The following SH3PXD2A variants were observed in gnomAD, a reference collection of about 807,000 sequenced individuals.
The protein encoded by SH3PXD2A is SH3 and PX domain-containing protein 2A.
A neutral mutation model predicts 115.2 loss-of-function variants in SH3PXD2A; 32 were observed. That is an observed-to-expected ratio of 0.28 (90% CI 0.21 to 0.37). The LOEUF (loss-of-function observed/expected upper bound fraction) is 0.37. SH3PXD2A is among the 10% of genes least tolerant of loss of function. The pLI is 1.00. For synonymous variants in SH3PXD2A, 610 were observed against 629.1 expected, an observed-to-expected ratio of 0.97 and a Z score of 0.45; for missense variants, 1,328 against 1,498.7, an observed-to-expected ratio of 0.89 and a Z score of 1.88.
At chr10:103,836,222 G>A (rs1204569888) in intron 1 of SH3PXD2A, among the ~76,000 whole-genome samples, 1 of 152,132 alleles carries the variant, frequency 6.6e-6, no homozygotes, top group Non-Finnish European at 1.5e-5. Flanking sequence ...TAAAATCTAA[G>A]TATTCTTGGA....
intron 5 of SH3PXD2A, among the ~76,000 whole-genome samples, chr10:103,723,542 C>T (rs1380013998): frequency 6.6e-6 from 1 of 152,146 alleles, no homozygotes; most frequent in African/African-American, 2.4e-5. Context: ...ATCCCAATTT[C>T]AGAGAGAAAA....
chr10:103,648,861 G>A (rs1302394644), intron 8 of SH3PXD2A, among the ~76,000 whole-genome samples: 2 of 152,240 alleles, frequency 1.3e-5, no homozygotes, highest in Admixed American at 1.3e-4. Context: ...CCCTTTGGCT[G>A]CCATAGTACA....
chr10:103,716,764 C>T (rs1265638380), intron 5 of SH3PXD2A, among the ~76,000 whole-genome samples: 1 of 152,234 alleles, frequency 6.6e-6, no homozygotes, highest in Non-Finnish European at 1.5e-5. Context: ...GATATGGGTG[C>T]ACCAAAGGCA....
intron 9 of SH3PXD2A, among the ~76,000 whole-genome samples, chr10:103,623,268 G>A (rs1033677925): frequency 6.2e-5 from 9 of 145,928 alleles, no homozygotes; most frequent in African/African-American, 2.2e-4. Context: ...TGATGACAGG[G>A]GCCCCCTCCC....
rs142104775 is a variant in SH3PXD2A, at chr10:103,742,141, T to C, written c.230-6333A>G. On this transcript the variant is annotated intron_variant, in intron 3 of 14. Coordinates refer to ENST00000369774, the MANE Select transcript of SH3PXD2A (RefSeq NM_001394015.1). ...TCCAGCCTGGGTGACATAGTGAGAC[T>C]GTCTCAAATCAAACAACAACCCAGG... Among the ~76,000 whole-genome samples, 124 of 152,274 alleles carry C rather than the reference T, an allele frequency of 8.1e-4. No individual in the cohort carries two copies. In the Middle Eastern group the frequency reaches 0.017, roughly 21 times the overall value.
rs368841386 is a variant in SH3PXD2A, at chr10:103,627,996, T to C, written c.605-794A>G. On this transcript the variant is annotated intron_variant, in intron 8 of 14. Coordinates refer to ENST00000369774, the MANE Select transcript of SH3PXD2A (RefSeq NM_001394015.1). The surrounding 1 kb of genome is among the most constrained non-coding windows in gnomAD (Gnocchi z 4.4). ...TTTCTGCTCATGGCCCAGTTCTCCA[T>C]TTCCTGTCTGGAGAGCTCAAGGCTT... Among the ~76,000 whole-genome samples, 1 of 152,332 alleles carries C rather than the reference T, an allele frequency of 6.6e-6. No homozygotes were observed. Among genetic ancestry groups the C allele is most frequent in the East Asian group, 1.9e-4 (1 of 5,184 alleles).
chr10:103,692,860 G>A (rs1376366801), intron 6 of SH3PXD2A, among the ~76,000 whole-genome samples, 168 bp downstream of exon 6: 1 of 152,176 alleles, frequency 6.6e-6, no homozygotes, highest in Non-Finnish European at 1.5e-5. Flanking sequence ...GCCATGGACT[G>A]AGGAGGGGCA....
At chr10:103,722,792 AC>A (rs2038198276) in intron 5 of SH3PXD2A, among the ~76,000 whole-genome samples, 1 of 151,938 alleles carries the variant, frequency 6.6e-6, no homozygotes, top group African/African-American at 2.4e-5. Context: ...TGCATCCTAT[AC>A]CCTGTGGCTT....
At position 103,602,148 on chromosome 10, in the gene SH3PXD2A, C is replaced by G; in HGVS notation, c.3070G>C (p.Ala1024Pro). ...RNSSFSTARS[A>P]AAEAKGRLAE... The stretch of plus-strand genomic sequence containing the variant: ...AGGCGGCCCTTGGCCTCGGCGGCAG[C>G]GGAGCGAGCAGTGCTAAAGGAGGAG... The change falls in exon 15 of 15, where the codon GCT becomes CCT. Residue 1024 changes from alanine (A) to proline (P), a missense_variant. Around this residue, in one of 5 missense-constraint regions of SH3PXD2A, gnomAD observed 574 missense variants for 565.7 expected, o/e 1.01. Coordinates refer to ENST00000369774, the MANE Select transcript of SH3PXD2A (RefSeq NM_001394015.1). 1 of 1,574,958 alleles carries G rather than the reference C, an allele frequency of 6.3e-7. No homozygotes were observed. The highest frequency in any genetic ancestry group is 1.2e-5 in the South Asian group (1 of 84,266).
At chr10:103,805,113 G>C (rs2039188611) in intron 1 of SH3PXD2A, among the ~76,000 whole-genome samples, 1 of 152,194 alleles carries the variant, frequency 6.6e-6, no homozygotes, top group Non-Finnish European at 1.5e-5. Flanking sequence ...CAGGGGAAGG[G>C]CTTAACTGAG....
chr10:103,774,270 A>G (rs1464686781), intron 2 of SH3PXD2A, among the ~76,000 whole-genome samples: 1 of 152,162 alleles, frequency 6.6e-6, no homozygotes, highest in Non-Finnish European at 1.5e-5. Context: ...TCTCTGTTAT[A>G]CGGATTGGAT....
chr10:103,798,809 AC>A (rs2039119270), intron 2 of SH3PXD2A, among the ~76,000 whole-genome samples: 1 of 152,230 alleles, frequency 6.6e-6, no homozygotes, highest in Non-Finnish European at 1.5e-5. Context: ...GGCTCTGAAT[AC>A]GCCGGCAGGG....
intron 4 of SH3PXD2A, among the ~76,000 whole-genome samples, chr10:103,727,265 T>C (rs2038252423): frequency 6.6e-6 from 1 of 152,188 alleles, no homozygotes; most frequent in Non-Finnish European, 1.5e-5. Flanking sequence ...GGGTGGAGCA[T>C]GCCTCCAGAA....
At position 103,848,465 on chromosome 10, in the gene SH3PXD2A, G is replaced by A. The variant is rs555213996; in HGVS notation, c.72+6730C>T. Among the ~76,000 whole-genome samples, 10 of 152,228 alleles carry A rather than the reference G, an allele frequency of 6.6e-5. No homozygotes were observed. In the South Asian group the frequency reaches 2.1e-3, roughly 32 times the overall value. Reference sequence around the variant, plus strand: ...AGTGACTATTTAGCTCCCTCTCCCTGCCAAGCCCTTGGGAGAAAAGGAAGG... The same window carrying A: ...AGTGACTATTTAGCTCCCTCTCCCTACCAAGCCCTTGGGAGAAAAGGAAGG... On this transcript the variant is annotated intron_variant, in intron 1 of 14. Transcript: ENST00000369774.
chr10:103,811,026 G>A (rs1019748546), intron 1 of SH3PXD2A, among the ~76,000 whole-genome samples: 14 of 152,074 alleles, frequency 9.2e-5, no homozygotes, highest in Non-Finnish European at 1.5e-5. Flanking sequence ...CAGCCTGGGA[G>A]AGCAGAGGAG....
At position 103,627,005 on chromosome 10, in the gene SH3PXD2A, G is replaced by C; in HGVS notation, c.718+84C>G. The C allele has an allele frequency of 1.3e-6, 1 of 769,666 alleles. No homozygotes were observed. Among genetic ancestry groups the C allele is most frequent in the South Asian group, 1.5e-5 (1 of 66,276 alleles). The allele number at this position is 769,666 out of a possible 1,614,324, so 47.7% of individuals were successfully genotyped here. A position where few individuals can be genotyped will look rare whatever the true frequency, so the allele number is the denominator to read the frequency against. ...GGATATGGCTCAGCTCACTTTAGGG[G>C]TTCTGTTGGTTCTAGGGAAAGAGTG... On this transcript the variant is annotated intron_variant, in intron 9 of 14. Transcript: ENST00000369774. The surrounding 1 kb of genome is among the most constrained non-coding windows in gnomAD (Gnocchi z 4.4).
At chr10:103,675,401 T>C (rs2037519852) in intron 6 of SH3PXD2A, among the ~76,000 whole-genome samples, 1 of 152,148 alleles carries the variant, frequency 6.6e-6, no homozygotes, top group African/African-American at 2.4e-5. Flanking sequence ...AGAAATCTAG[T>C]AGAGCTGAAT....
intron 6 of SH3PXD2A, among the ~76,000 whole-genome samples, chr10:103,688,016 T>C (rs2037701450): frequency 6.6e-6 from 1 of 152,154 alleles, no homozygotes; most frequent in Admixed American, 6.5e-5. Context: ...ATATAGCTCA[T>C]CACCCACAGC....
At chr10:103,842,171 T>A (rs186105666) in intron 1 of SH3PXD2A, among the ~76,000 whole-genome samples, 4 of 150,430 alleles carry the variant, frequency 2.7e-5, no homozygotes, top group Non-Finnish European at 4.4e-5. Flanking sequence ...ATCACCAACA[T>A]GCCTGTCTCC....
Sources: gnomAD v4.1 joint callset for allele counts (sites outside exome capture counted in the v4.1 genomes callset) on GRCh38, gnomAD v4.1.1 for gene constraint, gnomAD v4.1.1 regional missense constraint, Gnocchi (gnomAD v3.1) non-coding constraint, MANE v1.5 for transcripts, NCBI Gene and HGNC (gene_info 2026-07-23, HGNC 2026-07-21) for gene names.